The following CACNG3 variants were observed in gnomAD, a reference collection of about 807,000 sequenced individuals.
The protein encoded by CACNG3 is calcium voltage-gated channel auxiliary subunit gamma 3, also known as voltage-dependent calcium channel gamma-3 subunit.
In CACNG3, 3 loss-of-function variants were observed where a neutral mutation model predicts 28.5. The observed-to-expected ratio is 0.11, with a 90% CI of 0.05 to 0.27. The LOEUF (loss-of-function observed/expected upper bound fraction) is 0.27, where lower values mean the gene tolerates loss of function less well. Among genes scored for constraint, CACNG3 ranks in the 10% least tolerant of loss-of-function variants. CACNG3 has a pLI of 1.00. For missense variants in CACNG3, 236 were observed against 414.4 expected, an observed-to-expected ratio of 0.57 and a Z score of 3.74; for synonymous variants, 174 against 162.2, an observed-to-expected ratio of 1.07 and a Z score of -0.55.
At chr16:24,323,142 A>T (rs1443638169) in intron 1 of CACNG3, among the ~76,000 whole-genome samples, 1 of 144,254 alleles carries the variant, frequency 6.9e-6, no homozygotes, top group Admixed American at 7.3e-5. Context: ...TGGGAGGATC[A>T]GTTGAGCCTG....
intron 1 of CACNG3, among the ~76,000 whole-genome samples, chr16:24,320,215 T>G (rs1310434745): frequency 3.3e-5 from 5 of 152,238 alleles, no homozygotes; most frequent in African/African-American, 1.2e-4. Flanking sequence ...CATACTCAGA[T>G]GCGTTTCAGA....
At chr16:24,301,199 A>T (rs1294245482) in intron 1 of CACNG3, among the ~76,000 whole-genome samples, 3 of 148,802 alleles carry the variant, frequency 2.0e-5, no homozygotes, top group Non-Finnish European at 4.4e-5. Flanking sequence ...CAACAGAGTG[A>T]GACTCTGAAA....
intron 1 of CACNG3, among the ~76,000 whole-genome samples, chr16:24,332,959 A>G (rs927206365): frequency 6.6e-6 from 1 of 152,204 alleles, no homozygotes; most frequent in East Asian, 1.9e-4. Context: ...GGAGGGACAC[A>G]AGCTAACAAT....
chr16:24,277,097 C>T (rs182664875), intron 1 of CACNG3, among the ~76,000 whole-genome samples: 10 of 152,190 alleles, frequency 6.6e-5, no homozygotes, highest in Non-Finnish European at 7.4e-5. Context: ...TATGTGGCCA[C>T]GAATGTTTTT....
intron 1 of CACNG3, among the ~76,000 whole-genome samples, chr16:24,265,889 T>C (rs553744145): frequency 1.3e-5 from 2 of 152,348 alleles, no homozygotes; most frequent in South Asian, 4.1e-4. Context: ...CCAGAAAAAG[T>C]AAAGTTTGCC....
intron 1 of CACNG3, among the ~76,000 whole-genome samples, chr16:24,297,833 C>G (rs528261958): frequency 6.6e-6 from 1 of 152,172 alleles, no homozygotes; most frequent in Non-Finnish European, 1.5e-5. Flanking sequence ...CAAGAAAACC[C>G]TCACACTGTA....
rs1341467664 is a variant in CACNG3, at chr16:24,361,233, A to G, written c.437-119A>G. The G allele has an allele frequency of 5.0e-6, 4 of 802,880 alleles. No homozygotes were observed. In the African/African-American group the frequency reaches 6.9e-5, roughly 14 times the overall value. The allele number at this position is 802,880 out of a possible 1,614,324, so 49.7% of individuals were successfully genotyped here. Reference sequence around the variant, plus strand: ...AACTAGGTGGTTGGATTTCCCAGCTATAATCCATTCTCCTCTCTCCCCATT... The same window carrying G: ...AACTAGGTGGTTGGATTTCCCAGCTGTAATCCATTCTCCTCTCTCCCCATT... On this transcript the variant is annotated intron_variant, in intron 3 of 3. Transcript: ENST00000005284. This position sits in a 1 kb window ranked among gnomAD's most constrained non-coding sequence, Gnocchi z 6.8.
intron 2 of CACNG3, 33 bp downstream of exon 2, chr16:24,346,850 A>G (rs1899875900): frequency 1.9e-6 from 3 of 1,546,472 alleles, no homozygotes; most frequent in Admixed American, 1.7e-5. Flanking sequence ...TCTCTCTGGG[A>G]GGAAGGGATG....
At chr16:24,340,099 C>T (rs1407271857) in intron 1 of CACNG3, among the ~76,000 whole-genome samples, 4 of 152,138 alleles carry the variant, frequency 2.6e-5, no homozygotes, top group Non-Finnish European at 4.4e-5. Flanking sequence ...GCAAGACCCC[C>T]ATCTCTACAA....
At chr16:24,331,512 T>C (rs1172892610) in intron 1 of CACNG3, among the ~76,000 whole-genome samples, 1 of 152,194 alleles carries the variant, frequency 6.6e-6, no homozygotes, top group East Asian at 1.9e-4. Flanking sequence ...CTTTCAATGA[T>C]TCCTCTAAGA....
chr16:24,314,172 G>A (rs1899314546), intron 1 of CACNG3, among the ~76,000 whole-genome samples: 1 of 152,128 alleles, frequency 6.6e-6, no homozygotes, highest in Non-Finnish European at 1.5e-5. Context: ...GCTTGTCATG[G>A]GTTACTGGTG....
intron 1 of CACNG3, among the ~76,000 whole-genome samples, chr16:24,323,345 C>A (rs1004737996): frequency 3.9e-5 from 6 of 151,970 alleles, no homozygotes; most frequent in Non-Finnish European, 7.4e-5. Flanking sequence ...CTATACTAGA[C>A]CCTAGCATGG....
At chr16:24,266,034 C>T (rs766053487) in intron 1 of CACNG3, among the ~76,000 whole-genome samples, 10 of 152,122 alleles carry the variant, frequency 6.6e-5, no homozygotes, top group African/African-American at 1.2e-4. Context: ...TATCACAGAC[C>T]GTTCATGTAA....
intron 1 of CACNG3, among the ~76,000 whole-genome samples, chr16:24,307,339 C>T (rs1193714824): frequency 5.3e-5 from 8 of 152,080 alleles, no homozygotes. Context: ...CCAGGTTGGT[C>T]TTGAACTCCT....
intron 1 of CACNG3, among the ~76,000 whole-genome samples, chr16:24,297,256 A>G (rs57679332): frequency 7.9e-6 from 1 of 125,966 alleles, no homozygotes; most frequent in African/African-American, 4.1e-5. Context: ...TCTAAAAATA[A>G]AATAAAATAA....
intron 1 of CACNG3, among the ~76,000 whole-genome samples, chr16:24,309,008 G>T (rs1480231960): frequency 3.9e-5 from 6 of 152,098 alleles, no homozygotes; most frequent in African/African-American, 1.4e-4. Context: ...CCTTTAGATA[G>T]TTATTCTCAT....
At chr16:24,288,359 T>C (rs936685526) in intron 1 of CACNG3, among the ~76,000 whole-genome samples, 2 of 152,196 alleles carry the variant, frequency 1.3e-5, no homozygotes, top group Non-Finnish European at 2.9e-5. Context: ...ATGAGAAACC[T>C]GAGGTCCCAA....
intron 1 of CACNG3, among the ~76,000 whole-genome samples, chr16:24,336,729 C>T (rs1447897391): frequency 7.5e-6 from 1 of 133,694 alleles, no homozygotes; most frequent in African/African-American, 2.5e-5. Flanking sequence ...GAGGGCCCCA[C>T]CCTCGTGACC....
At chr16:24,288,034 G>A (rs1408360306) in intron 1 of CACNG3, among the ~76,000 whole-genome samples, 1 of 152,052 alleles carries the variant, frequency 6.6e-6, no homozygotes, top group African/African-American at 2.4e-5. Context: ...ATGTATTGAG[G>A]GCCTACTTCT....
Sources: allele counts gnomAD v4.1 joint callset (sites outside exome capture counted in the v4.1 genomes callset), GRCh38; gene constraint gnomAD v4.1.1; non-coding constraint Gnocchi (gnomAD v3.1); transcripts MANE v1.5; gene names NCBI Gene and HGNC (gene_info 2026-07-23, HGNC 2026-07-21).